The following SLC2A11 variants were observed in gnomAD, a reference collection of about 807,000 sequenced individuals.
SLC2A11 encodes solute carrier family 2, facilitated glucose transporter member 11.
In SLC2A11, 43 loss-of-function variants were observed where a neutral mutation model predicts 52.1. The observed-to-expected ratio is 0.82, with a 90% confidence interval of 0.65 to 1.06. SLC2A11 has a LOEUF of 1.06. Ranked by LOEUF, SLC2A11 falls within the 50% of genes least tolerant of loss-of-function variation. The pLI is 0.00. For synonymous variants in SLC2A11, 261 were observed against 277.6 expected (o/e 0.94, Z 0.59); for missense variants, 582 against 654.2 (o/e 0.89, Z 1.20).
Position 23,858,008 on chromosome 22 carries a change from C to T in SLC2A11, c.9C>T (p.His3=), listed in dbSNP as rs2146098519. 1 of 1,582,426 alleles carries T rather than the reference C, an allele frequency of 6.3e-7. No individual in the cohort carries two copies. Among genetic ancestry groups the T allele is most frequent in the Non-Finnish European group, 8.6e-7 (1 of 1,164,314 alleles). Residue 3 remains histidine, a synonymous_variant, in exon 1 of 12, where the codon CAC becomes CAT. Coordinates refer to ENST00000316185, the MANE Select transcript of SLC2A11 (RefSeq NM_001024939.4). Reference sequence around the variant, plus strand: ...TCAGGCCCCTCTTTCGAATGCTCCACGCCCTCCTGCGATCTAGAATGGTAT... The same window carrying T: ...TCAGGCCCCTCTTTCGAATGCTCCATGCCCTCCTGCGATCTAGAATGGTAT... The part of the protein sequence containing the change: ML[H]ALLRSRMIQG...
intron 2 of SLC2A11, among the ~76,000 whole-genome samples, chr22:23,864,695 G>T (rs189294769): frequency 6.8e-4 from 104 of 152,300 alleles, no homozygotes; most frequent in African/African-American, 2.5e-3. Flanking sequence ...CCCAGGCCGG[G>T]CAGGGCACTC....
At chr22:23,856,975 G>A, upstream of SLC2A11, 1 of 1,612,052 alleles carries the variant, frequency 6.2e-7, no homozygotes, top group Non-Finnish European at 8.5e-7. Context: ...GCACAGATGA[G>A]AGCGCTCCGA....
chr22:23,877,401 C>T, intron 5 of SLC2A11: 1 of 814,094 alleles, frequency 1.2e-6, no homozygotes, highest in East Asian at 2.7e-5. Flanking sequence ...GAGCAAAGAA[C>T]AGGTCTTCAC....
At chr22:23,873,988 G>A (rs1158093746) in intron 3 of SLC2A11, among the ~76,000 whole-genome samples, 2 of 152,132 alleles carry the variant, frequency 1.3e-5, no homozygotes, top group African/African-American at 4.8e-5. Context: ...ATCACAGTGA[G>A]CTCTCCTGGG....
rs568447171 is a variant in SLC2A11, at chr22:23,868,571, G to A, written c.220G>A (p.Val74Met). 13 of 1,614,202 alleles carry A rather than the reference G, an allele frequency of 8.1e-6. No homozygotes were observed. The highest frequency in any genetic ancestry group is 2.2e-5 in the South Asian group (2 of 91,090). Reference protein sequence around the residue: ...HLVLLMWSLIVSLYPLGGLFG... With the variant: ...HLVLLMWSLIMSLYPLGGLFG... ...AGTCCTGCTTATGTGGTCCCTCATCGTGTCTCTGTATCCCCTGGGAGGCCT... is the reference window on the plus strand; with the variant it reads ...AGTCCTGCTTATGTGGTCCCTCATCATGTCTCTGTATCCCCTGGGAGGCCT... Residue 74 changes from valine to methionine, a missense_variant, in exon 3 of 12, where the codon GTG becomes ATG. Coordinates refer to ENST00000316185, the MANE Select transcript of SLC2A11 (RefSeq NM_001024939.4).
chr22:23,883,865 T>C lies in SLC2A11; in HGVS notation c.1087T>C (p.Cys363Arg). Reference sequence around the variant, plus strand: ...GGGGAGCATCTTCACTGTGGCCCTGTGCCTGCAGGTAGCTGGGGTGGATGA... The same window carrying C: ...GGGGAGCATCTTCACTGTGGCCCTGCGCCTGCAGGTAGCTGGGGTGGATGA... ...CWGSIFTVAL[C>R]LQSSFPWTLY... The change falls in exon 9 of 12, where the codon TGC becomes CGC. Residue 363 changes from cysteine (C) to arginine (R), a missense_variant. Physicochemically the swap from Cys to Arg is radical, Grantham distance 180. Coordinates refer to ENST00000316185, the MANE Select transcript of SLC2A11 (RefSeq NM_001024939.4). The C allele has an allele frequency of 6.2e-7, 1 of 1,600,890 alleles. No individual in the cohort carries two copies. The highest frequency in any genetic ancestry group is 8.5e-7 in the Non-Finnish European group (1 of 1,175,810).
rs922819842 is a variant in SLC2A11 at position 23,857,884 on chromosome 22, C to T, written c.-116C>T. 6 of 1,555,056 alleles carry T rather than the reference C, an allele frequency of 3.9e-6. No homozygotes were observed. Among genetic ancestry groups the T allele is most frequent in the Non-Finnish European group, 5.2e-6 (6 of 1,151,794 alleles). ...GCGCGTGCGCTAGCGCCTCTTTCAC[C>T]ACTGGGCGCTGCGCGCTGCCCTTCC... On this transcript the variant is annotated 5_prime_UTR_variant, in exon 1 of 12. Transcript: ENST00000316185.
chr22:23,857,925 G>A lies in SLC2A11; in HGVS notation c.-75G>A, dbSNP rs1283201530. 12 of 1,588,852 alleles carry A rather than the reference G, an allele frequency of 7.6e-6. No homozygotes were observed. In the African/African-American group the frequency reaches 8.1e-5, roughly 11 times the overall value. On this transcript the variant is annotated 5_prime_UTR_variant, in exon 1 of 12. Transcript: ENST00000316185. ...CTGCCCTTCCCTCCGCGCACAGGCT[G>A]CCGGCTCACCGCTTGCTAATGGCAG...
intron 6 of SLC2A11, among the ~76,000 whole-genome samples, chr22:23,880,258 CAAAAAAAAAAA>C (rs60165299): frequency 0.037 from 1,548 of 41,930 alleles, 45 homozygotes; most frequent in African/African-American, 0.095. Context: ...GACTCCATCT[CAAAAAAAAAAA>C]AAAAAAAAAG....
At chr22:23,858,151 G>A in intron 1 of SLC2A11, 122 bp downstream of exon 1, 2 of 1,359,628 alleles carry the variant, frequency 1.5e-6, no homozygotes, top group Non-Finnish European at 2.1e-6. Flanking sequence ...CAAAAATATC[G>A]TGCTTGTATG....
chr22:23,882,886 C>A lies in SLC2A11; in HGVS notation c.993+17C>A. The A allele has an allele frequency of 6.3e-7, 1 of 1,596,794 alleles. No homozygotes were observed. Among genetic ancestry groups the A allele is most frequent in the East Asian group, 2.3e-5 (1 of 43,970 alleles). On this transcript the variant is annotated intron_variant, in intron 8 of 11. Coordinates refer to ENST00000316185, the MANE Select transcript of SLC2A11 (RefSeq NM_001024939.4). ...GTTGTTAGTGTGAGTCTGGAGGGTGCCCTTCCTCCACCAGCCCTGTGGGGA... is the reference window on the plus strand; with the variant it reads ...GTTGTTAGTGTGAGTCTGGAGGGTGACCTTCCTCCACCAGCCCTGTGGGGA...
In SLC2A11 at chr22:23,882,137, C is replaced by CAA. The variant is rs1450270063; in HGVS notation, c.695-321_695-320insAA. On this transcript the variant is annotated intron_variant, in intron 6 of 11. Coordinates refer to ENST00000316185, the MANE Select transcript of SLC2A11 (RefSeq NM_001024939.4). ...AAAGACAGGCAGAGAGAGAGAGAAA[C>CAA]ACACACACACAGACACAGAGACAGA... The CAA allele has an allele frequency of 5.1e-6, 2 of 392,378 alleles. 1 individual carries two copies. The highest frequency in any genetic ancestry group is 9.1e-6 in the Non-Finnish European group (2 of 219,886). The allele number at this position is 392,378 out of a possible 1,614,324, so 24.3% of individuals were successfully genotyped here. A position where few individuals can be genotyped will look rare whatever the true frequency, so the allele number is the denominator to read the frequency against.
intron 6 of SLC2A11, among the ~76,000 whole-genome samples, chr22:23,879,959 G>A (rs565790578): frequency 5.3e-5 from 8 of 152,286 alleles, no homozygotes; most frequent in Admixed American, 2.0e-4. Context: ...GCCAGCTCAC[G>A]CCTGTAATCC....
At chr22:23,869,870 G>A (rs763536839) in intron 3 of SLC2A11, 10 of 633,224 alleles carry the variant, frequency 1.6e-5, no homozygotes, top group East Asian at 5.6e-5. Flanking sequence ...CAGAAAGGGC[G>A]AATGCTGTGT....
chr22:23,861,953 A>T, intron 1 of SLC2A11, 151 bp from the exon 2 acceptor site: 1 of 700,804 alleles, frequency 1.4e-6, no homozygotes, highest in South Asian at 1.6e-5. Flanking sequence ...TGACCCAGGT[A>T]ACTCCTCTCT....
At chr22:23,868,754 C>T (rs2032355716) in intron 3 of SLC2A11, 113 bp downstream of exon 3, 1 of 1,296,172 alleles carries the variant, frequency 7.7e-7, no homozygotes, top group Non-Finnish European at 1.1e-6. Flanking sequence ...CCCAGATCAG[C>T]TCCTCATCCA....
chr22:23,874,602 A>ACC (rs1037821565), intron 3 of SLC2A11, among the ~76,000 whole-genome samples: 1 of 151,944 alleles, frequency 6.6e-6, no homozygotes, highest in Non-Finnish European at 1.5e-5. Context: ...GGCATGTGCC[A>ACC]CCATGCCTGG....
intron 3 of SLC2A11, 57 bp from the exon 4 acceptor site, chr22:23,875,047 GTGGTCCCCAGGGA>G: frequency 1.4e-6 from 2 of 1,412,448 alleles, no homozygotes; most frequent in Admixed American, 2.6e-5. Context: ...GTTGCAAAGA[GTGGTCCCCAGGGA>G]TGGTCCCGCT....
chr22:23,876,391 C>T (rs1319516628), intron 4 of SLC2A11, among the ~76,000 whole-genome samples: 2 of 152,096 alleles, frequency 1.3e-5, no homozygotes, highest in Non-Finnish European at 2.9e-5. Context: ...TTCCAGTTAT[C>T]TTTGCCCAAC....
Sources: allele counts gnomAD v4.1 joint callset (sites outside exome capture counted in the v4.1 genomes callset), GRCh38; gene constraint gnomAD v4.1.1; transcripts MANE v1.5; gene names NCBI Gene and HGNC (gene_info 2026-07-23, HGNC 2026-07-21).